Variants in PHF8 observed in about 807,000 individuals in gnomAD.
PHF8 encodes histone lysine demethylase PHF8.
Under a neutral mutation model 74.4 loss-of-function variants are expected in PHF8, and 9 were observed. That is an observed-to-expected ratio of 0.12 (90% confidence interval 0.07 to 0.21). PHF8 has a LOEUF of 0.21. Among genes scored for constraint, PHF8 ranks in the 10% least tolerant of loss-of-function variants. PHF8 has a pLI of 1.00. For synonymous variants in PHF8, 311 were observed against 316.6 expected (o/e 0.98, Z 0.19); for missense variants, 478 against 816.6 (o/e 0.59, Z 5.05).
chrX:53,964,711 CA>C (rs2065153386), intron 18 of PHF8, among the ~76,000 whole-genome samples: 1 of 109,655 alleles, frequency 9.1e-6, no homozygotes. Flanking sequence ...ATTAAAAATA[CA>C]AAAAAGTAGC....
At chrX:53,978,584 G>T (rs1557096965) in intron 18 of PHF8, among the ~76,000 whole-genome samples, 1 of 109,543 alleles carries the variant, frequency 9.1e-6, no homozygotes, top group East Asian at 2.9e-4. Flanking sequence ...GGATCACGAG[G>T]TCAGGAGATC....
intron 2 of PHF8, among the ~76,000 whole-genome samples, chrX:54,034,906 G>C (rs1055064350): frequency 3.7e-5 from 4 of 108,594 alleles, no homozygotes; most frequent in Non-Finnish European, 7.7e-5. Flanking sequence ...GTGGGGGGCT[G>C]AGGTGGGAGG....
At chrX:53,984,250 C>A (rs2065524766) in intron 18 of PHF8, among the ~76,000 whole-genome samples, 1 of 111,133 alleles carries the variant, frequency 9.0e-6, no homozygotes, top group South Asian at 3.8e-4. Context: ...CCTGTAATCC[C>A]AACTACTCGG....
Position 54,007,847 on chromosome X carries a change from T to C in PHF8, c.946+3275A>G, listed in dbSNP as rs1209784956. Among the ~76,000 whole-genome samples, 4 of 112,063 alleles carry C rather than the reference T, an allele frequency of 3.6e-5. No homozygotes were observed. In the Admixed American group the frequency reaches 3.8e-4, roughly 11 times the overall value. ...AGCTGCTTTGAAAACAGTTTGTCAG[T>C]TCCTCAAAAAGTTAAACACAGAGTT... is the stretch of plus-strand genomic sequence containing the variant. On this transcript the variant is annotated intron_variant, in intron 8 of 21. Coordinates refer to ENST00000338154, the MANE Select transcript of PHF8 (RefSeq NM_015107.3).
chrX:53,996,616 G>A (rs933462202), intron 11 of PHF8, among the ~76,000 whole-genome samples: 3 of 110,257 alleles, frequency 2.7e-5, no homozygotes, highest in South Asian at 7.8e-4. Context: ...TGGTGGTCTC[G>A]GCTCACTGAA....
At chrX:54,013,768 A>T (rs1459410722) in intron 7 of PHF8, among the ~76,000 whole-genome samples, 1 of 110,176 alleles carries the variant, frequency 9.1e-6, no homozygotes, top group Non-Finnish European at 1.9e-5. Context: ...CAGTGAGCTG[A>T]GATCACGCCA....
chrX:53,987,245 T>G, intron 15 of PHF8, 82 bp from the exon 16 acceptor site: 1 of 619,844 alleles, frequency 1.6e-6, no homozygotes, highest in Non-Finnish European at 2.7e-6. Context: ...ATAAGACTAA[T>G]TTTCTTGGAA....
At chrX:54,009,086 G>C (rs1289341806) in intron 8 of PHF8, among the ~76,000 whole-genome samples, 6 of 111,601 alleles carry the variant, frequency 5.4e-5, no homozygotes, top group Admixed American at 2.9e-4. Flanking sequence ...GCTGAGGCAG[G>C]AGAATCACTT....
chrX:53,971,985 G>A (rs1233742006), intron 18 of PHF8, among the ~76,000 whole-genome samples: 1 of 111,342 alleles, frequency 9.0e-6, no homozygotes, highest in Non-Finnish European at 1.9e-5. Flanking sequence ...CATTTTATGA[G>A]GCCAGCATCA....
At chrX:54,007,618 C>T (rs782329069) in intron 8 of PHF8, among the ~76,000 whole-genome samples, 1 of 111,979 alleles carries the variant, frequency 8.9e-6, no homozygotes, top group Non-Finnish European at 1.9e-5. Context: ...CCAAAAAAAA[C>T]TATACAAGTG....
Position 53,985,226 on chromosome X carries a change from C to T in PHF8, c.2131G>A (p.Glu711Lys), listed in dbSNP as rs41306749. 1,541 of 1,189,248 alleles carry T rather than the reference C, an allele frequency of 1.3e-3. No individual in the cohort carries two copies. The highest frequency in any genetic ancestry group is 1.7e-3 in the Non-Finnish European group (1,485 of 882,172). ...TGAGTGCTGGGAGAAGCTGGGGCCT[C>T]GCTGCAAGGAACAGAGGAGAAATAC... ...VGGPDYAALT[E>K]APASPSTQEA... is the part of the protein sequence containing the mutation. Residue 711 changes from glutamate to lysine, a missense_variant and splice_region_variant, in exon 18 of 22, where the codon GAG becomes AAG. By Grantham distance (56) the Glu-to-Lys change is moderately conservative. Coordinates refer to ENST00000338154, the MANE Select transcript of PHF8 (RefSeq NM_015107.3).
At chrX:53,966,732 A>C in intron 18 of PHF8, among the ~76,000 whole-genome samples, 1 of 97,359 alleles carries the variant, frequency 1.0e-5, no homozygotes, top group Non-Finnish European at 2.1e-5. Context: ...CTGGCTGCCC[A>C]GTCTGGAAAG....
chrX:53,958,684 G>A (rs1427615865), intron 19 of PHF8, among the ~76,000 whole-genome samples: 1 of 102,215 alleles, frequency 9.8e-6, no homozygotes, highest in Non-Finnish European at 2.0e-5. Context: ...GCTGAGGCAG[G>A]AGAATGGCGT....
Position 54,044,057 on chromosome X carries a change from G to T in PHF8, c.-388C>A, listed in dbSNP as rs2066608606. On this transcript the variant is annotated 5_prime_UTR_variant, in exon 1 of 22. Transcript: ENST00000338154. Reference sequence around the variant, plus strand: ...CGCCTTCCCCTCGAGCCCCCCGCTGGGTCGCGCGGCGCCAGCCGCTCAACG... The same window carrying T: ...CGCCTTCCCCTCGAGCCCCCCGCTGTGTCGCGCGGCGCCAGCCGCTCAACG... 1 of 755,246 alleles carries T rather than the reference G, an allele frequency of 1.3e-6. No homozygotes were observed. Among genetic ancestry groups the T allele is most frequent in the Non-Finnish European group, 1.6e-6 (1 of 639,546 alleles). 62.2% of individuals were successfully genotyped at this position (755,246 alleles called of 1,213,427 possible).
At chrX:53,993,505 G>T in intron 13 of PHF8, 96 bp downstream of exon 13, 1 of 718,218 alleles carries the variant, frequency 1.4e-6, no homozygotes, top group Non-Finnish European at 2.2e-6. Flanking sequence ...GGGTCTAAGG[G>T]ACATGGCAGC....
At position 53,938,258 on chromosome X, in the gene PHF8, C is replaced by G. The variant is rs1242480384; in HGVS notation, c.*900G>C. 11 of 1,028,434 alleles carry G rather than the reference C, an allele frequency of 1.1e-5. No homozygotes were observed. The highest frequency in any genetic ancestry group is 1.2e-5 in the Non-Finnish European group (10 of 809,489). The allele number at this position is 1,028,434 out of a possible 1,213,427, so 84.8% of individuals were successfully genotyped here. A position where few individuals can be genotyped will look rare whatever the true frequency, so the allele number is the denominator to read the frequency against. ...CAGGCTGTAGGGCCAGGGTTATCTG[C>G]GTCATTGGCAGGTGCTTTCAGGTTT... On this transcript the variant is annotated 3_prime_UTR_variant, in exon 22 of 22. Coordinates refer to ENST00000338154, the MANE Select transcript of PHF8 (RefSeq NM_015107.3).
intron 11 of PHF8, among the ~76,000 whole-genome samples, chrX:53,997,216 C>A (rs1012770181): frequency 9.0e-6 from 1 of 111,693 alleles, no homozygotes; most frequent in East Asian, 2.8e-4. Flanking sequence ...ACAGCTAGCT[C>A]AACAGCAACC....
chrX:53,954,636 G>A lies in PHF8; in HGVS notation c.2539+8208C>T, dbSNP rs1228433607. 3.8e-4 allele frequency among the ~76,000 whole-genome samples: 21 copies of A among 55,319 alleles called. No homozygotes were observed. In the Admixed American group the frequency reaches 6.2e-3, roughly 16 times the overall value. 48.0% of individuals were successfully genotyped at this position (55,319 alleles called of 115,157 possible). A position where few individuals can be genotyped will look rare whatever the true frequency, so the allele number is the denominator to read the frequency against. On this transcript the variant is annotated intron_variant, in intron 19 of 21. Transcript: ENST00000338154. ...ACAGCAAAATGTTCATTAAATCTGGGTGACAGATATATATATATATATATA... is the reference window on the plus strand; with the variant it reads ...ACAGCAAAATGTTCATTAAATCTGGATGACAGATATATATATATATATATA...
At chrX:54,012,054 T>C (rs2065991737) in intron 7 of PHF8, among the ~76,000 whole-genome samples, 1 of 111,174 alleles carries the variant, frequency 9.0e-6, no homozygotes, top group Admixed American at 9.6e-5. Context: ...CAATGTTAAC[T>C]TCCTGATTTT....
Sources: gnomAD v4.1 joint callset for allele counts (sites outside exome capture counted in the v4.1 genomes callset) on GRCh38, gnomAD v4.1.1 for gene constraint, MANE v1.5 for transcripts, NCBI Gene and HGNC (gene_info 2026-07-23, HGNC 2026-07-21) for gene names.